Variants in GRIK4 observed in about 807,000 individuals in gnomAD.
The protein encoded by GRIK4 is glutamate receptor ionotropic, kainate 4.
In GRIK4, 40 loss-of-function variants were observed where a neutral mutation model predicts 104.9. The observed-to-expected ratio is 0.38, with a 90% confidence interval of 0.30 to 0.50. The LOEUF is 0.50. GRIK4 is among the 20% of genes least tolerant of loss of function. The pLI is 0.93. For synonymous variants in GRIK4, 485 were observed against 524.9 expected (o/e 0.92, Z 1.04); for missense variants, 1,047 against 1,308.1 (o/e 0.80, Z 3.08).
intron 6 of GRIK4, among the ~76,000 whole-genome samples, chr11:120,825,034 C>G (rs1953222458): frequency 1.3e-5 from 2 of 151,974 alleles, no homozygotes; most frequent in African/African-American, 4.8e-5. Flanking sequence ...AAGCGATTCT[C>G]CTGCCTCACC....
Position 120,844,956 on chromosome 11 carries a change from C to T in GRIK4, c.744+8112C>T, listed in dbSNP as rs532710157. On this transcript the variant is annotated intron_variant, in intron 8 of 20. Coordinates refer to ENST00000527524, the MANE Select transcript of GRIK4 (RefSeq NM_014619.5). Reference sequence around the variant, plus strand: ...TTGTGACAAGTGGTCTCTCTGTCACCTGGGACTGTTTCCTTCACTGGCCAC... The same window carrying T: ...TTGTGACAAGTGGTCTCTCTGTCACTTGGGACTGTTTCCTTCACTGGCCAC... 9.8e-5 allele frequency among the ~76,000 whole-genome samples: 15 copies of T among 152,318 alleles called. 1 individual carries two copies. In the South Asian group the frequency reaches 3.1e-3, roughly 32 times the overall value.
chr11:120,970,534 A>G (rs1436055490), intron 19 of GRIK4, among the ~76,000 whole-genome samples: 4 of 151,888 alleles, frequency 2.6e-5, no homozygotes, highest in Non-Finnish European at 5.9e-5. Flanking sequence ...TCCTCCCTGA[A>G]CCCTAAATCC....
chr11:120,936,045 G>C (rs1462793308), intron 13 of GRIK4: 1 of 191,874 alleles, frequency 5.2e-6, no homozygotes, highest in Non-Finnish European at 9.9e-6. Context: ...TCATCATCCT[G>C]GTCTTCATCT....
intron 3 of GRIK4, among the ~76,000 whole-genome samples, chr11:120,762,113 T>A (rs1309743508): frequency 6.6e-6 from 1 of 152,194 alleles, no homozygotes; most frequent in African/African-American, 2.4e-5. Flanking sequence ...CTCTCTTATT[T>A]CCTTGAGCAG....
intron 9 of GRIK4, chr11:120,872,471 C>T (rs1954635462): frequency 6.4e-6 from 1 of 157,090 alleles, no homozygotes; most frequent in Non-Finnish European, 1.4e-5. Flanking sequence ...AGTTGGTCCC[C>T]TGGAATGGTG....
At chr11:120,951,330 G>A (rs542218416) in intron 14 of GRIK4, among the ~76,000 whole-genome samples, 4 of 152,326 alleles carry the variant, frequency 2.6e-5, no homozygotes, top group African/African-American at 9.6e-5. Context: ...AGATGCAGCC[G>A]TGGAAATAGC....
intron 8 of GRIK4, among the ~76,000 whole-genome samples, chr11:120,856,881 C>T (rs1954116544): frequency 6.6e-6 from 1 of 152,160 alleles, no homozygotes; most frequent in Non-Finnish European, 1.5e-5. Context: ...CTAAATCCCA[C>T]CCCCAGTGAT....
In GRIK4 at chr11:120,513,009, C is replaced by T. The variant is rs1479179549; in HGVS notation, c.-159+1122C>T. On this transcript the variant is annotated intron_variant, in intron 1 of 20. Coordinates refer to ENST00000527524, the MANE Select transcript of GRIK4 (RefSeq NM_014619.5). The surrounding 1 kb of genome is among the most constrained non-coding windows in gnomAD (Gnocchi z 4.5). ...TGGCATCTGTACTTGATGCTGCCAT[C>T]TTCCTCTTGGTGCTGTTGTCTGGTG... 2.6e-5 allele frequency among the ~76,000 whole-genome samples: 4 copies of T among 152,190 alleles called. No homozygotes were observed. Among genetic ancestry groups the T allele is most frequent in the Non-Finnish European group, 5.9e-5 (4 of 68,044 alleles).
Position 120,986,611 on chromosome 11 carries a change from C to A in GRIK4, c.*351C>A, listed in dbSNP as rs1332282196. On this transcript the variant is annotated 3_prime_UTR_variant, in exon 21 of 21. Transcript: ENST00000527524. ...CAGTCCAATGAATTGGTGGAATCAT[C>A]AGTTGAATTTCCCCCTAGTCAGGGG... is the stretch of plus-strand genomic sequence containing the variant. The A allele has an allele frequency of 9.5e-6, 2 of 209,776 alleles. No homozygotes were observed. Among genetic ancestry groups the A allele is most frequent in the Non-Finnish European group, 9.3e-6 (1 of 107,454 alleles). The allele number at this position is 209,776 out of a possible 1,614,324, so 13.0% of individuals were successfully genotyped here.
intron 3 of GRIK4, among the ~76,000 whole-genome samples, chr11:120,692,502 C>T (rs770566205): frequency 7.4e-4 from 112 of 152,118 alleles, no homozygotes; most frequent in Non-Finnish European, 7.8e-4. Flanking sequence ...CTGTGGAGCC[C>T]GGGGGTGAGG....
chr11:120,920,249 T>G (rs1943197728), intron 13 of GRIK4, among the ~76,000 whole-genome samples: 1 of 152,210 alleles, frequency 6.6e-6, no homozygotes, highest in African/African-American at 2.4e-5. Flanking sequence ...ATATAATTCC[T>G]GTAGCGTGCC....
At chr11:120,830,037 G>T (rs1591966465) in intron 6 of GRIK4, among the ~76,000 whole-genome samples, 1 of 152,040 alleles carries the variant, frequency 6.6e-6, no homozygotes, top group African/African-American at 2.4e-5. Flanking sequence ...CCTTCCCAGG[G>T]CTTCTTCCCA....
chr11:120,921,977 G>A (rs1430193048), intron 13 of GRIK4, among the ~76,000 whole-genome samples: 1 of 152,054 alleles, frequency 6.6e-6, no homozygotes, highest in East Asian at 1.9e-4. Context: ...GTGAGGTGTG[G>A]TGGCAGCAGG....
intron 1 of GRIK4, among the ~76,000 whole-genome samples, chr11:120,652,993 A>G (rs1046768709): frequency 1.3e-5 from 2 of 152,108 alleles, no homozygotes; most frequent in South Asian, 2.1e-4. Flanking sequence ...TTAAACTTCT[A>G]GTCAGTATGG....
chr11:120,788,930 G>A (rs546767286), intron 3 of GRIK4, among the ~76,000 whole-genome samples: 14 of 152,156 alleles, frequency 9.2e-5, no homozygotes, highest in South Asian at 2.1e-4. Flanking sequence ...TGAAGTCCCC[G>A]GTGACCTCCT....
intron 4 of GRIK4, among the ~76,000 whole-genome samples, chr11:120,814,338 G>A (rs1952888423): frequency 6.6e-6 from 1 of 152,174 alleles, no homozygotes; most frequent in Non-Finnish European, 1.5e-5. Context: ...GGTGGCTCAT[G>A]CCTGTAATCC....
At chr11:120,862,154 T>C in intron 9 of GRIK4, 34 bp downstream of exon 9, 2 of 1,597,672 alleles carry the variant, frequency 1.3e-6, no homozygotes, top group Non-Finnish European at 1.7e-6. Context: ...CTGGTGCCCC[T>C]TGGCCTCTGC....
chr11:120,554,589 C>T (rs1948170269), intron 1 of GRIK4, among the ~76,000 whole-genome samples: 1 of 151,002 alleles, frequency 6.6e-6, no homozygotes, highest in African/African-American at 2.4e-5. Flanking sequence ...GACAGGAGCT[C>T]GCCCTGTCGC....
chr11:120,802,760 C>T lies in GRIK4; in HGVS notation c.150C>T (p.Asn50=), dbSNP rs1952643971. Residue 50 remains asparagine, a synonymous_variant, in exon 4 of 21, where the codon AAC becomes AAT. Coordinates refer to ENST00000527524, the MANE Select transcript of GRIK4 (RefSeq NM_014619.5). ...GERLSITLAK[N]RINRAPERLG... The stretch of plus-strand genomic sequence containing the variant: ...GGCTCTCCATCACCCTGGCCAAGAA[C>T]CGCATCAACCGCGCTCCTGAGAGGC... The T allele has an allele frequency of 6.2e-7, 1 of 1,614,150 alleles. No homozygotes were observed. The highest frequency in any genetic ancestry group is 8.5e-7 in the Non-Finnish European group (1 of 1,179,972).
Sources: allele counts gnomAD v4.1 joint callset (sites outside exome capture counted in the v4.1 genomes callset), GRCh38; gene constraint gnomAD v4.1.1; non-coding constraint Gnocchi (gnomAD v3.1); transcripts MANE v1.5; gene names NCBI Gene and HGNC (gene_info 2026-07-23, HGNC 2026-07-21).